EPG5: variants seen among roughly 807,000 people sequenced by gnomAD.
EPG5 encodes the protein ectopic P-granules 5 autophagy tethering factor, also known as ectopic P granules protein 5 homolog.
EPG5 carries 159 observed loss-of-function variants against 302.7 expected under a neutral mutation model. That is an observed-to-expected ratio of 0.53 (90% CI 0.46 to 0.60). The LOEUF (loss-of-function observed/expected upper bound fraction) is 0.60. Ranked by LOEUF, EPG5 falls within the 20% of genes least tolerant of loss-of-function variation. EPG5 has a pLI of 0.00. For synonymous variants in EPG5, 1,158 were observed against 1,136.8 expected (o/e 1.02, Z -0.37); for missense variants, 2,896 against 3,092.4 (o/e 0.94, Z 1.51).
At chr18:45,818,847 C>G in the EPG5 span, among the ~76,000 whole-genome samples, 3 of 146,638 alleles carry the variant, frequency 2.0e-5, no homozygotes, top group Non-Finnish European at 4.4e-5. Flanking sequence ...GATTCTTGTG[C>G]CTCTGCCTCC....
At chr18:45,870,788 TAAAAA>T (rs11334955) in intron 35 of EPG5, 46 bp from the exon 36 acceptor site, 36 of 964,834 alleles carry the variant, frequency 3.7e-5, no homozygotes, top group Admixed American at 1.2e-4. Flanking sequence ...TGGTTTACCT[TAAAAA>T]AAAAAAAAAA....
At chr18:45,820,545 C>CCCA in the EPG5 span, among the ~76,000 whole-genome samples, 26 of 152,286 alleles carry the variant, frequency 1.7e-4, no homozygotes, top group Middle Eastern at 3.4e-3. Context: ...CCTGCACCCT[C>CCCA]CTGGAGGGTT....
At chr18:45,825,720 G>A in the EPG5 span, 2 of 1,614,202 alleles carry the variant, frequency 1.2e-6, no homozygotes, top group Non-Finnish European at 1.7e-6. Flanking sequence ...GTGTTCAGAT[G>A]CTCACAGCAT....
At chr18:45,898,388 A>G (rs1365279722) in intron 27 of EPG5, among the ~76,000 whole-genome samples, 1 of 152,230 alleles carries the variant, frequency 6.6e-6, no homozygotes, top group Non-Finnish European at 1.5e-5. Context: ...TGTTGTGAGG[A>G]TAAAATAACT....
At position 45,889,831 on chromosome 18, in the gene EPG5, A is replaced by G; in HGVS notation, c.4919T>C (p.Val1640Ala). ...EAAKPPSLNI[V>A]EAAVHAENLI... is the part of the protein sequence containing the mutation. ...GTTTTCTGCATGTACAGCAGCTTCC[A>G]CAATATTAAGTGATGGTGGTTTAGC... The change falls in exon 28 of 44, where the codon GTG (valine) becomes GCG (alanine). Residue 1640 changes from valine (V) to alanine (A), a missense_variant. By Grantham distance (64) the Val-to-Ala change is moderately conservative. Transcript: ENST00000282041. 1 of 1,610,248 alleles carries G rather than the reference A, an allele frequency of 6.2e-7. No individual in the cohort carries two copies.
chr18:45,868,390 C>T lies in EPG5; in HGVS notation c.6226-642G>A, dbSNP rs541055597. On this transcript the variant is annotated intron_variant, in intron 36 of 43. Transcript: ENST00000282041. ...TTCACTCTTGTTACCCAGATTGGAA[C>T]GCAATGGCACGATCTTGGCTCAACG... 6.7e-5 allele frequency among the ~76,000 whole-genome samples: 10 copies of T among 148,526 alleles called. No individual in the cohort carries two copies. In the South Asian group the frequency reaches 1.3e-3, roughly 19 times the overall value.
rs140622112 is a variant in EPG5, at chr18:45,922,978, T to G, written c.2838+290A>C. ...TTAAGCTACCAATGGTTTAATAACC[T>G]GGCTTGCAAAGTTTCTAAAAATTTA... On this transcript the variant is annotated intron_variant, in intron 15 of 43. Transcript: ENST00000282041. Among the ~76,000 whole-genome samples the G allele has an allele frequency of 1.7e-4, 26 of 152,346 alleles. No homozygotes were observed. The East Asian group carries it at 5.0e-3, about 29-fold the overall frequency.
At chr18:45,860,081 A>G (rs762512872) in intron 40 of EPG5, 23 bp downstream of exon 40, 4 of 1,613,718 alleles carry the variant, frequency 2.5e-6, no homozygotes, top group Non-Finnish European at 2.5e-6. Context: ...AATACAATGG[A>G]GCGTAAGATG....
At chr18:45,931,703 C>T (rs2050400040) in intron 11 of EPG5, among the ~76,000 whole-genome samples, 1 of 151,990 alleles carries the variant, frequency 6.6e-6, no homozygotes. Context: ...GGCGTGGTGG[C>T]ACACGCCTGT....
At chr18:45,825,360 G>A in the EPG5 span, among the ~76,000 whole-genome samples, 2 of 151,972 alleles carry the variant, frequency 1.3e-5, no homozygotes, top group Non-Finnish European at 2.9e-5. Context: ...GAGGGAGGGA[G>A]GAAGGAAGGG....
chr18:45,855,475 G>T, intron 43 of EPG5, 98 bp downstream of exon 43: 1 of 786,444 alleles, frequency 1.3e-6, no homozygotes, highest in East Asian at 2.6e-5. Flanking sequence ...CCACCACAGA[G>T]CATCATGTCA....
chr18:45,810,242 A>T, the EPG5 span, among the ~76,000 whole-genome samples: 112,830 of 152,018 alleles, frequency 0.74, 42,769 homozygotes, highest in East Asian at 0.92. Flanking sequence ...CAACAAAAAA[A>T]GGCCAGGACC....
intron 27 of EPG5, among the ~76,000 whole-genome samples, chr18:45,898,098 G>A (rs2049521394): frequency 6.6e-6 from 1 of 152,224 alleles, no homozygotes; most frequent in South Asian, 2.1e-4. Flanking sequence ...GGTGGCTCAG[G>A]CCTGCAATAC....
chr18:45,932,680 G>A (rs1180144850), intron 11 of EPG5, among the ~76,000 whole-genome samples: 1 of 152,150 alleles, frequency 6.6e-6, no homozygotes, highest in Non-Finnish European at 1.5e-5. Flanking sequence ...TGAAAAAACA[G>A]CAAATTAGAG....
chr18:45,941,642 T>C (rs1214049116), intron 9 of EPG5, among the ~76,000 whole-genome samples: 2 of 152,178 alleles, frequency 1.3e-5, no homozygotes, highest in Non-Finnish European at 2.9e-5. Flanking sequence ...ACAGTAATGA[T>C]ACCAACGTCC....
chr18:45,873,236 G>A (rs1188894425), intron 35 of EPG5, among the ~76,000 whole-genome samples: 1 of 152,202 alleles, frequency 6.6e-6, no homozygotes, highest in African/African-American at 2.4e-5. Context: ...ATATGGCTGG[G>A]CATGGTGGCT....
chr18:45,938,154 T>C (rs1042183772), intron 10 of EPG5, among the ~76,000 whole-genome samples: 1 of 152,040 alleles, frequency 6.6e-6, no homozygotes, highest in Non-Finnish European at 1.5e-5. Context: ...ATGGTATAAG[T>C]ATAACAGGAG....
At chr18:45,922,649 T>C in intron 15 of EPG5, 49 bp from the exon 16 acceptor site, 1 of 1,592,656 alleles carries the variant, frequency 6.3e-7, no homozygotes, top group Non-Finnish European at 8.6e-7. Context: ...ACAAATTAAA[T>C]CAGTAAGCTC....
intron 29 of EPG5, among the ~76,000 whole-genome samples, chr18:45,885,154 C>T (rs1236320620): frequency 3.3e-5 from 5 of 152,082 alleles, no homozygotes; most frequent in Non-Finnish European, 4.4e-5. Flanking sequence ...GCCTGGCCAA[C>T]GTGGTGAAAC....
Sources: gnomAD v4.1 joint callset for allele counts (sites outside exome capture counted in the v4.1 genomes callset) on GRCh38, gnomAD v4.1.1 for gene constraint, MANE v1.5 for transcripts, NCBI Gene and HGNC (gene_info 2026-07-23, HGNC 2026-07-21) for gene names.